The following RYR3 variants were observed in gnomAD, a reference collection of about 807,000 sequenced individuals.
RYR3 encodes the protein brain ryanodine receptor-calcium release channel.
RYR3 carries 207 observed loss-of-function variants against 584.3 expected under a neutral mutation model. The ratio of observed to expected loss-of-function variants is 0.35; its 90% CI spans 0.32 to 0.40. RYR3 has a LOEUF of 0.40. Among genes scored for constraint, RYR3 ranks in the 10% least tolerant of loss-of-function variants. The probability of loss-of-function intolerance (pLI) is 1.00; values close to 1 mark genes in which losing one functional copy is unlikely to be tolerated. For synonymous variants in RYR3, 2,416 were observed against 2,248.5 expected (o/e 1.07, Z -2.11); for missense variants, 5,616 against 6,089.2 (o/e 0.92, Z 2.59).
At position 33,805,638 on chromosome 15, in the gene RYR3, C is replaced by T. The variant is rs372013797; in HGVS notation, c.10012-1917C>T. ...GACTACAGGTGCCCGCCACCACGCC[C>T]GGCTAATTTTTTGTATTTTTAGTAG... On this transcript the variant is annotated intron_variant, in intron 69 of 103. Transcript: ENST00000634891. Among the ~76,000 whole-genome samples, 85 of 151,864 alleles carry T rather than the reference C, an allele frequency of 5.6e-4. No individual in the cohort carries two copies. The South Asian group carries it at 0.015, about 27-fold the overall frequency.
intron 78 of RYR3, among the ~76,000 whole-genome samples, 178 bp downstream of exon 78, chr15:33,820,990 A>G (rs1414627516): frequency 6.6e-6 from 1 of 150,868 alleles, no homozygotes; most frequent in East Asian, 1.9e-4. Context: ...ACACATTTTA[A>G]TGTTGCGTTG....
rs1394164563 is a variant in RYR3 at position 33,412,636 on chromosome 15, A to G, written c.52-60783A>G. ...CAGGCCTCTTTCTGCAGCAATGGAG[A>G]CCAGGCCCAGTATTGGAGATGGGCT... On this transcript the variant is annotated intron_variant, in intron 1 of 103. Transcript: ENST00000634891. The surrounding 1 kb of genome is among the most constrained non-coding windows in gnomAD (Gnocchi z 4.3). Among the ~76,000 whole-genome samples, 1 of 151,890 alleles carries G rather than the reference A, an allele frequency of 6.6e-6. No homozygotes were observed. Among genetic ancestry groups the G allele is most frequent in the Non-Finnish European group, 1.5e-5 (1 of 67,990 alleles).
intron 1 of RYR3, among the ~76,000 whole-genome samples, chr15:33,384,049 G>T (rs1306963946): frequency 1.3e-5 from 2 of 152,142 alleles, no homozygotes; most frequent in East Asian, 3.9e-4. Flanking sequence ...TTGTAAGTGA[G>T]AGCTAAACAA....
intron 1 of RYR3, among the ~76,000 whole-genome samples, chr15:33,332,697 A>T (rs1832516228): frequency 6.6e-6 from 1 of 152,138 alleles, no homozygotes; most frequent in African/African-American, 2.4e-5. Flanking sequence ...TTTCTAAATG[A>T]CCCACATAAC....
At chr15:33,806,890 A>G (rs1044446619) in intron 69 of RYR3, among the ~76,000 whole-genome samples, 1 of 151,274 alleles carries the variant, frequency 6.6e-6, no homozygotes, top group Non-Finnish European at 1.5e-5. Flanking sequence ...AGTAGCTGGG[A>G]CTATAACACA....
At chr15:33,661,314 C>T (rs1427865390) in intron 34 of RYR3, among the ~76,000 whole-genome samples, 3 of 152,166 alleles carry the variant, frequency 2.0e-5, no homozygotes, top group Non-Finnish European at 4.4e-5. Context: ...AAGAGAGAGC[C>T]AACTGGATAA....
At chr15:33,647,384 T>C (rs749369526) in intron 29 of RYR3, 40 bp from the exon 30 acceptor site, 2 of 1,559,920 alleles carry the variant, frequency 1.3e-6, no homozygotes, top group Admixed American at 3.4e-5. Flanking sequence ...GGATTCTCAA[T>C]ACAGCTGAAT....
intron 70 of RYR3, among the ~76,000 whole-genome samples, chr15:33,808,945 T>C (rs956300471): frequency 6.6e-6 from 1 of 152,172 alleles, no homozygotes; most frequent in African/African-American, 2.4e-5. Flanking sequence ...CAGACTAGGG[T>C]TCTGCTGGCC....
At chr15:33,568,789 G>A (rs1049066323) in intron 12 of RYR3, among the ~76,000 whole-genome samples, 1 of 152,144 alleles carries the variant, frequency 6.6e-6, no homozygotes, top group African/African-American at 2.4e-5. Flanking sequence ...CTGCAGTTCA[G>A]TTTTAGAACA....
At chr15:33,742,217 C>T (rs1192611819) in intron 51 of RYR3, 149 bp from the exon 52 acceptor site, 3 of 641,940 alleles carry the variant, frequency 4.7e-6, no homozygotes, top group Non-Finnish European at 5.7e-6. Context: ...AGGAATGTCA[C>T]TGCGCCTGGA....
At chr15:33,575,392 CA>C (rs1472365594) in intron 12 of RYR3, among the ~76,000 whole-genome samples, 9 of 152,172 alleles carry the variant, frequency 5.9e-5, no homozygotes, top group Non-Finnish European at 1.2e-4. Context: ...CACTTCTCAG[CA>C]AATGCAAAAG....
At chr15:33,710,325 G>A (rs35763096) in intron 43 of RYR3, among the ~76,000 whole-genome samples, 42,191 of 148,040 alleles carry the variant, frequency 0.28, 7,497 homozygotes, top group East Asian at 0.66. Context: ...TAGAGAGGCT[G>A]GAGGTGCCAT....
intron 1 of RYR3, among the ~76,000 whole-genome samples, chr15:33,374,364 ATGTGTGTGTGTG>A (rs138831585): frequency 4.1e-5 from 6 of 144,908 alleles, no homozygotes; most frequent in South Asian, 2.3e-4. Context: ...GTACGAGTGT[ATGTGTGTGTGTG>A]TGTGTGTGTG....
intron 57 of RYR3, 64 bp from the exon 58 acceptor site, chr15:33,755,001 G>A: frequency 2.4e-6 from 2 of 841,244 alleles, no homozygotes; most frequent in Non-Finnish European, 4.1e-6. Flanking sequence ...GGTAGGACTG[G>A]TGGTGCACCT....
chr15:33,480,653 G>A (rs1349667441), intron 2 of RYR3, among the ~76,000 whole-genome samples: 1 of 152,090 alleles, frequency 6.6e-6, no homozygotes, highest in Non-Finnish European at 1.5e-5. Flanking sequence ...TGAATCAGTG[G>A]GATATAAGTT....
At chr15:33,657,123 A>G (rs1383182867) in intron 32 of RYR3, among the ~76,000 whole-genome samples, 1 of 152,032 alleles carries the variant, frequency 6.6e-6, no homozygotes, top group African/African-American at 2.4e-5. Context: ...TTCTTGTTTT[A>G]GTGATCGAAG....
At chr15:33,317,584 A>G (rs1006754664) in intron 1 of RYR3, among the ~76,000 whole-genome samples, 2 of 152,180 alleles carry the variant, frequency 1.3e-5, no homozygotes, top group African/African-American at 4.8e-5. Context: ...GAGGGAAGAA[A>G]AAGTGCTGGC....
chr15:33,401,122 G>T (rs920903824), intron 1 of RYR3, among the ~76,000 whole-genome samples: 5 of 152,144 alleles, frequency 3.3e-5, no homozygotes, highest in Non-Finnish European at 4.4e-5. Context: ...TGTCCCCCTT[G>T]AGAGTGTTAT....
chr15:33,527,104 TAGAG>T (rs1323841994), intron 3 of RYR3, among the ~76,000 whole-genome samples: 1 of 151,824 alleles, frequency 6.6e-6, no homozygotes, highest in African/African-American at 2.4e-5. Flanking sequence ...CAGGTGAAGT[TAGAG>T]AGGTATGAGG....
Sources: allele counts gnomAD v4.1 joint callset (sites outside exome capture counted in the v4.1 genomes callset), GRCh38; gene constraint gnomAD v4.1.1; non-coding constraint Gnocchi (gnomAD v3.1); transcripts MANE v1.5; gene names NCBI Gene and HGNC (gene_info 2026-07-23, HGNC 2026-07-21).